Variants in NPHP1 observed in about 807,000 individuals in gnomAD.
NPHP1 encodes the protein nephrocystin 1.
In NPHP1, 70 loss-of-function variants were observed where a neutral mutation model predicts 90.4. That is an observed-to-expected ratio of 0.77 (90% CI 0.64 to 0.95). The LOEUF is 0.95. Ranked by LOEUF, NPHP1 falls within the 40% of genes least tolerant of loss-of-function variation. The pLI, the probability that NPHP1 is intolerant of heterozygous loss-of-function variation, is 0.00. For synonymous variants in NPHP1, 256 were observed against 271.7 expected (o/e 0.94, Z 0.57); for missense variants, 764 against 795.9 (o/e 0.96, Z 0.48).
At chr2:110,141,495 T>G (rs1176151250) in intron 16 of NPHP1, among the ~76,000 whole-genome samples, 1 of 152,066 alleles carries the variant, frequency 6.6e-6, no homozygotes. Flanking sequence ...ATCTGAGATT[T>G]TATTAGTTTA....
At chr2:110,173,126 T>A (rs949229927) in intron 4 of NPHP1, among the ~76,000 whole-genome samples, 3 of 151,782 alleles carry the variant, frequency 2.0e-5, no homozygotes, top group Admixed American at 6.6e-5. Flanking sequence ...GCCCAGCTCA[T>A]TTTTGTATTT....
At chr2:110,135,294 G>A (rs911008570) in intron 16 of NPHP1, among the ~76,000 whole-genome samples, 6 of 151,386 alleles carry the variant, frequency 4.0e-5, no homozygotes, top group South Asian at 2.1e-4. Context: ...TGGCTAACAC[G>A]GTGAAACCCC....
chr2:110,129,313 T>G, intron 17 of NPHP1, 54 bp from the exon 18 acceptor site: 1 of 1,277,792 alleles, frequency 7.8e-7, no homozygotes, highest in Non-Finnish European at 1.1e-6. Context: ...CAATGGATTT[T>G]ATTGCAATAG....
chr2:110,169,780 T>TTA, intron 5 of NPHP1, 26 bp downstream of exon 5: 1 of 1,515,468 alleles, frequency 6.6e-7, no homozygotes, highest in Non-Finnish European at 9.2e-7. Flanking sequence ...GACCCTTAGG[T>TTA]TAGGTTTCAG....
intron 2 of NPHP1, among the ~76,000 whole-genome samples, chr2:110,191,878 C>T (rs1684775123): frequency 6.6e-6 from 1 of 151,754 alleles, no homozygotes. Context: ...GCCTCTGCTG[C>T]TGATACCCAG....
chr2:110,163,434 T>G, intron 8 of NPHP1: 1 of 383,652 alleles, frequency 2.6e-6, no homozygotes, highest in Non-Finnish European at 4.9e-6. Flanking sequence ...CACCCTGCGC[T>G]TCCATTTCAC....
chr2:110,163,339 C>T, intron 8 of NPHP1: 1 of 574,664 alleles, frequency 1.7e-6, no homozygotes, highest in East Asian at 3.0e-5. Flanking sequence ...AAGCCCCATA[C>T]AGTGCCCAGC....
In NPHP1 at chr2:110,201,411, CA is replaced by C; in HGVS notation, c.143+9del. 1 of 1,559,440 alleles carries C rather than the reference CA, an allele frequency of 6.4e-7. No homozygotes were observed. The highest frequency in any genetic ancestry group is 8.8e-7 in the Non-Finnish European group (1 of 1,132,818). ...TTCCTGTAAAGCTTATATAATTTAG[CA>C]TACTTTACCTTTGATAAATATGTTG... On this transcript the variant is annotated intron_variant, in intron 2 of 19. Coordinates refer to ENST00000445609, the MANE Select transcript of NPHP1 (RefSeq NM_001128178.3).
chr2:110,187,995 A>G (rs1040127152), intron 2 of NPHP1, among the ~76,000 whole-genome samples: 3 of 152,212 alleles, frequency 2.0e-5, no homozygotes, highest in African/African-American at 7.2e-5. Flanking sequence ...TCAATAAACT[A>G]GATATTGAAG....
At chr2:110,180,912 C>A (rs1683859042) in intron 2 of NPHP1, among the ~76,000 whole-genome samples, 2 of 152,166 alleles carry the variant, frequency 1.3e-5, no homozygotes, top group South Asian at 4.1e-4. Flanking sequence ...GCTGCTCAGG[C>A]ACATACAGTG....
intron 4 of NPHP1, among the ~76,000 whole-genome samples, chr2:110,173,954 C>G (rs1683340079): frequency 6.6e-6 from 1 of 152,004 alleles, no homozygotes; most frequent in Non-Finnish European, 1.5e-5. Context: ...TCGACCCTTT[C>G]TTTTATCATT....
At chr2:110,162,611 G>A (rs1682424620) in intron 9 of NPHP1, among the ~76,000 whole-genome samples, 1 of 152,142 alleles carries the variant, frequency 6.6e-6, no homozygotes, top group Admixed American at 6.5e-5. Flanking sequence ...AATTCCAAAT[G>A]GAGATAATTC....
intron 3 of NPHP1, 83 bp from the exon 4 acceptor site, chr2:110,178,630 G>A: frequency 3.9e-6 from 5 of 1,292,364 alleles, no homozygotes; most frequent in Non-Finnish European, 5.4e-6. Flanking sequence ...ATTCCAATAA[G>A]TGCTATATAA....
intron 19 of NPHP1, chr2:110,124,544 G>C (rs1679216265): frequency 4.4e-6 from 1 of 227,858 alleles, no homozygotes; most frequent in Non-Finnish European, 8.8e-6. Flanking sequence ...TGGGATGGAG[G>C]TCGAGGGGTC....
In NPHP1 at chr2:110,127,432, A is replaced by G. The variant is rs189427194; in HGVS notation, c.1717-1751T>C. On this transcript the variant is annotated intron_variant, in intron 18 of 19. Coordinates refer to ENST00000445609, the MANE Select transcript of NPHP1 (RefSeq NM_001128178.3). ...CACCACTTTCTTTTTTAAAATTATC[A>G]TAACACAAATAATTCAATGTGAAAA... 1.1e-4 allele frequency: 16 copies of G among 152,278 alleles called. No individual in the cohort carries two copies. The East Asian group carries it at 2.5e-3, about 24-fold the overall frequency. 9.4% of individuals were successfully genotyped at this position (152,278 alleles called of 1,614,324 possible). A position where few individuals can be genotyped will look rare whatever the true frequency, so the allele number is the denominator to read the frequency against.
chr2:110,161,947 T>G (rs998159110), intron 9 of NPHP1, among the ~76,000 whole-genome samples: 1 of 152,128 alleles, frequency 6.6e-6, no homozygotes, highest in African/African-American at 2.4e-5. Flanking sequence ...GCCAATAATA[T>G]GCCCCATGAT....
chr2:110,138,535 G>A (rs1407559248), intron 16 of NPHP1, among the ~76,000 whole-genome samples: 1 of 151,928 alleles, frequency 6.6e-6, no homozygotes, highest in Non-Finnish European at 1.5e-5. Context: ...TTTTAAAGAC[G>A]GGATGCAGGG....
At chr2:110,175,671 G>C (rs1683456428) in intron 4 of NPHP1, among the ~76,000 whole-genome samples, 1 of 152,018 alleles carries the variant, frequency 6.6e-6, no homozygotes, top group Non-Finnish European at 1.5e-5. Context: ...TGAGGTACCT[G>C]TGTGTGGGTT....
At chr2:110,175,816 T>C (rs1161583356) in intron 4 of NPHP1, among the ~76,000 whole-genome samples, 1 of 151,920 alleles carries the variant, frequency 6.6e-6, no homozygotes, top group Non-Finnish European at 1.5e-5. Flanking sequence ...CTCTCTCTTA[T>C]TCTGAGACTT....
Sources: allele counts gnomAD v4.1 joint callset (sites outside exome capture counted in the v4.1 genomes callset), GRCh38; gene constraint gnomAD v4.1.1; transcripts MANE v1.5; gene names NCBI Gene and HGNC (gene_info 2026-07-23, HGNC 2026-07-21).